The following CNTNAP2 variants were observed in gnomAD, a reference collection of about 807,000 sequenced individuals.
The protein encoded by CNTNAP2 is contactin-associated protein-like 2.
Under a neutral mutation model 155.2 loss-of-function variants are expected in CNTNAP2, and 98 were observed. The ratio of observed to expected loss-of-function variants is 0.63; its 90% CI spans 0.54 to 0.75. The LOEUF is 0.75. CNTNAP2 is among the 30% of genes least tolerant of loss of function. The probability of loss-of-function intolerance (pLI) is 0.00; values close to 1 mark genes in which losing one functional copy is unlikely to be tolerated. For missense variants in CNTNAP2, 1,727 were observed against 1,688.1 expected, an observed-to-expected ratio of 1.02 and a Z score of -0.40; for synonymous variants, 651 against 631.2, an observed-to-expected ratio of 1.03 and a Z score of -0.47.
At chr7:146,436,917 C>T (rs1481112806) in intron 1 of CNTNAP2, among the ~76,000 whole-genome samples, 1 of 151,474 alleles carries the variant, frequency 6.6e-6, no homozygotes, top group Non-Finnish European at 1.5e-5. Flanking sequence ...CATTTGTTGA[C>T]ATTGTAGAAA....
chr7:146,597,355 T>C (rs867215866), intron 1 of CNTNAP2, among the ~76,000 whole-genome samples: 8 of 151,774 alleles, frequency 5.3e-5, no homozygotes, highest in African/African-American at 1.9e-4. Flanking sequence ...AATAATCTCA[T>C]TGTTGGCTTT....
chr7:146,374,867 G>A (rs1245346863), intron 1 of CNTNAP2, among the ~76,000 whole-genome samples: 1 of 152,058 alleles, frequency 6.6e-6, no homozygotes, highest in Non-Finnish European at 1.5e-5. Flanking sequence ...GTAAGTGAAT[G>A]TGCAACTACA....
In CNTNAP2 at chr7:146,299,471, A is replaced by G. The variant is rs113962622; in HGVS notation, c.97+182498A>G. 4.3e-3 allele frequency among the ~76,000 whole-genome samples: 648 copies of G among 152,130 alleles called. 4 individuals carry two copies. The highest frequency in any genetic ancestry group is 0.015 in the African/African-American group (612 of 41,524). ...CGATCATAGCTCACAGCAGCCTAGA[A>G]CCCCTGGGCTCAAGTAATCCTCCCA... On this transcript the variant is annotated intron_variant, in intron 1 of 23. Transcript: ENST00000361727.
intron 1 of CNTNAP2, among the ~76,000 whole-genome samples, chr7:146,377,702 A>G (rs1357662164): frequency 1.3e-5 from 2 of 152,212 alleles, no homozygotes; most frequent in Non-Finnish European, 2.9e-5. Context: ...TCAAATTAAA[A>G]GCCTGGAATA....
intron 21 of CNTNAP2, among the ~76,000 whole-genome samples, chr7:148,309,786 A>G (rs1234810436): frequency 6.6e-6 from 1 of 152,202 alleles, no homozygotes; most frequent in African/African-American, 2.4e-5. Context: ...TGCAGGTCAC[A>G]GGGGATATGA....
intron 14 of CNTNAP2, among the ~76,000 whole-genome samples, chr7:147,957,763 C>T (rs187777623): frequency 6.8e-4 from 103 of 151,970 alleles, no homozygotes; most frequent in African/African-American, 7.0e-4. Context: ...AAATTGTATA[C>T]GTAAAAAAAG....
intron 13 of CNTNAP2, among the ~76,000 whole-genome samples, chr7:147,695,475 C>T (rs141497074): frequency 0.017 from 2,512 of 152,238 alleles, 224 homozygotes; most frequent in Admixed American, 0.15. Flanking sequence ...ATCTAATTCT[C>T]TGGGCAGTTC....
intron 15 of CNTNAP2, among the ~76,000 whole-genome samples, chr7:148,008,977 A>G (rs1449644534): frequency 6.6e-6 from 1 of 152,188 alleles, no homozygotes; most frequent in East Asian, 1.9e-4. Flanking sequence ...GGAGTAACAA[A>G]CCCTTAATAG....
chr7:147,007,914 C>T (rs1021468176), intron 3 of CNTNAP2, among the ~76,000 whole-genome samples: 3 of 152,054 alleles, frequency 2.0e-5, no homozygotes, highest in Non-Finnish European at 4.4e-5. Flanking sequence ...AAATGAACTT[C>T]TCTCCCTAAT....
At chr7:146,893,545 G>T (rs1164843756) in intron 3 of CNTNAP2, among the ~76,000 whole-genome samples, 2 of 151,830 alleles carry the variant, frequency 1.3e-5, no homozygotes, top group Non-Finnish European at 2.9e-5. Flanking sequence ...TTCTCTCCTG[G>T]AGCAGAAGCA....
At chr7:146,747,795 C>T (rs1395745625) in intron 1 of CNTNAP2, among the ~76,000 whole-genome samples, 2 of 151,996 alleles carry the variant, frequency 1.3e-5, no homozygotes, top group African/African-American at 2.4e-5. Context: ...ATATAGATCC[C>T]CTATAATGGT....
intron 4 of CNTNAP2, among the ~76,000 whole-genome samples, chr7:147,094,196 G>A (rs1023548963): frequency 1.3e-5 from 2 of 152,084 alleles, no homozygotes; most frequent in African/African-American, 4.8e-5. Flanking sequence ...CAACTTCCCA[G>A]GGCATCCTCA....
chr7:147,070,639 G>A (rs1799872458), intron 4 of CNTNAP2, among the ~76,000 whole-genome samples: 1 of 152,168 alleles, frequency 6.6e-6, no homozygotes. Context: ...CTTTGCATTT[G>A]TCATTAAACT....
In CNTNAP2 at chr7:146,525,108, A is replaced by G. The variant is rs973450339; in HGVS notation, c.98-249163A>G. 3.9e-5 allele frequency among the ~76,000 whole-genome samples: 6 copies of G among 152,212 alleles called. No homozygotes were observed. In the South Asian group the frequency reaches 1.2e-3, roughly 32 times the overall value. Reference sequence around the variant, plus strand: ...AGCTATTGTTTTAGCTGAAAAAAAAACGGAATAAGTTGATCATGGTTAGGT... The same window carrying G: ...AGCTATTGTTTTAGCTGAAAAAAAAGCGGAATAAGTTGATCATGGTTAGGT... On this transcript the variant is annotated intron_variant, in intron 1 of 23. Transcript: ENST00000361727.
chr7:146,871,908 A>G (rs1046106667), intron 3 of CNTNAP2, among the ~76,000 whole-genome samples: 1 of 152,060 alleles, frequency 6.6e-6, no homozygotes, highest in Admixed American at 6.6e-5. Flanking sequence ...TTACAACTTG[A>G]TACATCACAT....
At chr7:147,445,764 C>A (rs1797724350) in intron 10 of CNTNAP2, among the ~76,000 whole-genome samples, 1 of 152,000 alleles carries the variant, frequency 6.6e-6, no homozygotes, top group Non-Finnish European at 1.5e-5. Flanking sequence ...ATGTTTCTTT[C>A]CTTCTTTCTC....
chr7:147,462,051 G>A (rs1402768415), intron 10 of CNTNAP2, among the ~76,000 whole-genome samples: 1 of 152,022 alleles, frequency 6.6e-6, no homozygotes, highest in East Asian at 1.9e-4. Context: ...GCTGCTAAAA[G>A]CCTTTATACC....
chr7:146,213,213 C>T (rs1799062566), intron 1 of CNTNAP2, among the ~76,000 whole-genome samples: 1 of 152,110 alleles, frequency 6.6e-6, no homozygotes, highest in African/African-American at 2.4e-5. Context: ...CAATACATGT[C>T]CAATTCTGTT....
rs529248869 is a variant in CNTNAP2, at chr7:147,118,256, G to A, written c.755-2723G>A. Among the ~76,000 whole-genome samples, 148 of 152,050 alleles carry A rather than the reference G, an allele frequency of 9.7e-4. 2 individuals carry two copies. The highest frequency in any genetic ancestry group is 3.4e-3 in the Middle Eastern group (1 of 294). ...GAAAATAGCTAGACAGTATGTCTTC[G>A]GACACTTGAAATCTCTTACAATACA... On this transcript the variant is annotated intron_variant, in intron 5 of 23. Coordinates refer to ENST00000361727, the MANE Select transcript of CNTNAP2 (RefSeq NM_014141.6).
Sources: gnomAD v4.1 joint callset for allele counts (sites outside exome capture counted in the v4.1 genomes callset) on GRCh38, gnomAD v4.1.1 for gene constraint, MANE v1.5 for transcripts, NCBI Gene and HGNC (gene_info 2026-07-23, HGNC 2026-07-21) for gene names.